Variants in WDR37 observed in about 807,000 individuals in gnomAD.
The protein encoded by WDR37 is WD repeat domain 37, also known as WD repeat-containing protein 37.
A neutral mutation model predicts 62.9 loss-of-function variants in WDR37; 19 were observed. The ratio of observed to expected loss-of-function variants is 0.30; its 90% CI spans 0.21 to 0.44. WDR37 has a LOEUF of 0.44. Ranked by LOEUF, WDR37 falls within the 20% of genes least tolerant of loss-of-function variation. The probability of loss-of-function intolerance (pLI) is 1.00; values close to 1 mark genes in which losing one functional copy is unlikely to be tolerated. For synonymous variants in WDR37, 250 were observed against 260.9 expected (o/e 0.96, Z 0.40); for missense variants, 474 against 657.6 (o/e 0.72, Z 3.05).
intron 6 of WDR37, 108 bp from the exon 7 acceptor site, chr10:1,086,178 C>T (rs1327322477): frequency 6.3e-6 from 5 of 798,960 alleles, no homozygotes; most frequent in African/African-American, 1.7e-5. Flanking sequence ...GAAGAGATAT[C>T]AGTGGTCGTG....
Position 1,084,523 on chromosome 10 carries a change from G to A in WDR37, c.517G>A (p.Gly173Arg). ...GGCCAAGACACAGCCAGTGGTGCTC[G>A]GGACTGCATCAGCCGGTGAGTCGCA... ...SVAKTQPVVLGTASADHTALL... is the reference protein window; with the variant it reads ...SVAKTQPVVLRTASADHTALL... Residue 173 changes from glycine to arginine, a missense_variant, in exon 6 of 14, where the codon GGG becomes AGG. Coordinates refer to ENST00000263150, the MANE Select transcript of WDR37 (RefSeq NM_014023.4). The A allele has an allele frequency of 6.2e-7, 1 of 1,614,038 alleles. No homozygotes were observed. The highest frequency in any genetic ancestry group is 8.5e-7 in the Non-Finnish European group (1 of 1,179,904).
chr10:1,108,409 C>G (rs897640550), intron 11 of WDR37, among the ~76,000 whole-genome samples: 2 of 152,160 alleles, frequency 1.3e-5, no homozygotes, highest in Non-Finnish European at 2.9e-5. Context: ...CTTATGACTT[C>G]CTTTAAGTGC....
intron 7 of WDR37, among the ~76,000 whole-genome samples, chr10:1,086,569 T>G (rs902624979): frequency 6.6e-6 from 1 of 152,246 alleles, no homozygotes; most frequent in Non-Finnish European, 1.5e-5. Context: ...CCCTAAACAA[T>G]GTACATATCA....
intron 13 of WDR37, 123 bp from the exon 14 acceptor site, chr10:1,129,090 C>A: frequency 7.2e-7 from 1 of 1,383,790 alleles, no homozygotes; most frequent in Non-Finnish European, 9.8e-7. Flanking sequence ...ACTGATCCTG[C>A]ACACCATGTT....
chr10:1,104,268 C>A (rs1483512705), intron 10 of WDR37, among the ~76,000 whole-genome samples: 1 of 152,214 alleles, frequency 6.6e-6, no homozygotes, highest in Non-Finnish European at 1.5e-5. Flanking sequence ...CGGTCCTCTT[C>A]CAAGCCTGCT....
At chr10:1,067,646 G>C (rs1833594939) in intron 1 of WDR37, among the ~76,000 whole-genome samples, 2 of 152,142 alleles carry the variant, frequency 1.3e-5, no homozygotes, top group South Asian at 4.1e-4. Context: ...TGGATGACAA[G>C]CACATGAAAA....
intron 1 of WDR37, among the ~76,000 whole-genome samples, chr10:1,061,129 CTT>C (rs1158752164): frequency 6.6e-6 from 1 of 152,172 alleles, no homozygotes; most frequent in Non-Finnish European, 1.5e-5. Context: ...ATTAGTGACT[CTT>C]TGTATTTATT....
chr10:1,103,947 C>A lies in WDR37; in HGVS notation c.961+111C>A. ...CTTGACCAGAATGAGTCTCTGTGTT[C>A]TTGGCTCTTCTGTGGTAATTTTTGG... On this transcript the variant is annotated intron_variant, in intron 10 of 13. Coordinates refer to ENST00000263150, the MANE Select transcript of WDR37 (RefSeq NM_014023.4). This position sits in a 1 kb window ranked among gnomAD's most constrained non-coding sequence, Gnocchi z 6.3. 9.5e-7 allele frequency: 1 copy of A among 1,052,622 alleles called. No homozygotes were observed. Among genetic ancestry groups the A allele is most frequent in the South Asian group, 1.6e-5 (1 of 62,462 alleles). The allele number at this position is 1,052,622 out of a possible 1,614,324, so 65.2% of individuals were successfully genotyped here.
intron 1 of WDR37, among the ~76,000 whole-genome samples, chr10:1,061,390 TTA>T (rs1833368951): frequency 6.6e-6 from 1 of 152,180 alleles, no homozygotes; most frequent in Admixed American, 6.5e-5. Context: ...TAAATAAGAT[TTA>T]TGCTACGCCG....
intron 7 of WDR37, among the ~76,000 whole-genome samples, chr10:1,086,810 T>TA (rs1186114471): frequency 2.9e-5 from 3 of 102,930 alleles, no homozygotes; most frequent in Non-Finnish European, 6.3e-5. Flanking sequence ...GCTGTCCATG[T>TA]AGTTAGTTAA....
intron 1 of WDR37, among the ~76,000 whole-genome samples, chr10:1,064,745 A>G (rs1296189464): frequency 3.9e-5 from 6 of 152,004 alleles, no homozygotes; most frequent in African/African-American, 1.4e-4. Context: ...GGCATGCCAC[A>G]TCACGCCTGG....
intron 6 of WDR37, 132 bp downstream of exon 6, chr10:1,084,670 C>A (rs774841690): frequency 2.8e-5 from 37 of 1,312,182 alleles, no homozygotes; most frequent in Non-Finnish European, 3.9e-5. Flanking sequence ...GTGGAACCCC[C>A]CACACATTAA....
intron 1 of WDR37, among the ~76,000 whole-genome samples, chr10:1,068,373 C>T (rs1001669101): frequency 6.8e-6 from 1 of 147,272 alleles, no homozygotes; most frequent in Non-Finnish European, 1.5e-5. Flanking sequence ...AGGAGAATGG[C>T]GTGAACCCGG....
chr10:1,072,030 T>C, intron 1 of WDR37, 86 bp from the exon 2 acceptor site: 2 of 1,065,920 alleles, frequency 1.9e-6, no homozygotes, highest in Non-Finnish European at 2.6e-6. Flanking sequence ...AAGCTTGTAA[T>C]TAGAAGTCAT....
chr10:1,128,903 T>TTAG (rs1249928943), intron 13 of WDR37, among the ~76,000 whole-genome samples: 110 of 148,736 alleles, frequency 7.4e-4, no homozygotes, highest in Non-Finnish European at 2.4e-4. Flanking sequence ...TGGTCCATGC[T>TTAG]TGGTGGTCCA....
At position 1,105,373 on chromosome 10, in the gene WDR37, A is replaced by T. The variant is rs147451144; in HGVS notation, c.1103+106A>T. 2 of 1,350,292 alleles carry T rather than the reference A, an allele frequency of 1.5e-6. No homozygotes were observed. The highest frequency in any genetic ancestry group is 2.0e-6 in the Non-Finnish European group (2 of 999,482). The allele number at this position is 1,350,292 out of a possible 1,614,324, so 83.6% of individuals were successfully genotyped here. A position where few individuals can be genotyped will look rare whatever the true frequency, so the allele number is the denominator to read the frequency against. On this transcript the variant is annotated intron_variant, in intron 11 of 13. Coordinates refer to ENST00000263150, the MANE Select transcript of WDR37 (RefSeq NM_014023.4). This position sits in a 1 kb window ranked among gnomAD's most constrained non-coding sequence, Gnocchi z 5.3. ...AATTTTCAGTATTTCCGACTCTACT[A>T]TCTTTCAAAAAAATAACTACCTTTC...
Position 1,103,640 on chromosome 10 carries a change from C to T in WDR37, c.765C>T (p.Asp255=), listed in dbSNP as rs148227536. 1.9e-4 allele frequency: 307 copies of T among 1,614,204 alleles called. No individual in the cohort carries two copies. The highest frequency in any genetic ancestry group is 1.3e-3 in the Middle Eastern group (8 of 6,062). Residue 255 remains aspartate (D), a synonymous_variant, in exon 10 of 14, where the codon GAC becomes GAT. Coordinates refer to ENST00000263150, the MANE Select transcript of WDR37 (RefSeq NM_014023.4). The surrounding 1 kb of genome is among the most constrained non-coding windows in gnomAD (Gnocchi z 6.3). ...ATGAAGTAGAGTGCTCTGACAAGGACGAGCCCGACCTCGATGGGGATGTGT... is the reference window on the plus strand; with the variant it reads ...ATGAAGTAGAGTGCTCTGACAAGGATGAGCCCGACCTCGATGGGGATGTGT... ...GEDEVECSDK[D]EPDLDGDVSS...
intron 7 of WDR37, among the ~76,000 whole-genome samples, chr10:1,088,760 A>C (rs1474183261): frequency 6.6e-6 from 1 of 152,202 alleles, no homozygotes; most frequent in Non-Finnish European, 1.5e-5. Flanking sequence ...AGAGACGTGA[A>C]GTGAACACAT....
chr10:1,108,753 T>G (rs1341290592), intron 11 of WDR37, among the ~76,000 whole-genome samples: 7 of 76,922 alleles, frequency 9.1e-5, no homozygotes, highest in African/African-American at 1.7e-4. Flanking sequence ...CCCCCCCCCG[T>G]GGAACCTGCA....
Sources: gnomAD v4.1 joint callset for allele counts (sites outside exome capture counted in the v4.1 genomes callset) on GRCh38, gnomAD v4.1.1 for gene constraint, Gnocchi (gnomAD v3.1) non-coding constraint, MANE v1.5 for transcripts, NCBI Gene and HGNC (gene_info 2026-07-23, HGNC 2026-07-21) for gene names.